The following IARS1 variants were observed in gnomAD, a reference collection of about 807,000 sequenced individuals.
IARS1 encodes isoleucine--tRNA ligase, cytoplasmic.
In IARS1, 124 loss-of-function variants were observed where a neutral mutation model predicts 168.2. The ratio of observed to expected loss-of-function variants is 0.74; its 90% CI spans 0.64 to 0.86. The LOEUF is 0.86. Among genes scored for constraint, IARS1 ranks in the 40% least tolerant of loss-of-function variants. The pLI is 0.00. For missense variants in IARS1, 1,452 were observed against 1,515.8 expected (o/e 0.96, Z 0.70); for synonymous variants, 532 against 529.4 (o/e 1.00, Z -0.07).
intron 18 of IARS1, 56 bp from the exon 19 acceptor site, chr9:92,259,054 T>C (rs1264422357): frequency 5.5e-6 from 8 of 1,446,970 alleles, no homozygotes; most frequent in African/African-American, 2.8e-5. Flanking sequence ...AACCAATTAT[T>C]ACTACTCGAC....
At chr9:92,284,144 T>A (rs779752838) in intron 6 of IARS1, among the ~76,000 whole-genome samples, 3 of 152,216 alleles carry the variant, frequency 2.0e-5, no homozygotes, top group Non-Finnish European at 4.4e-5. Context: ...GCCACTGCAC[T>A]CTAGCCTGGG....
In IARS1 at chr9:92,240,896, T is replaced by G. The variant is rs1828295018; in HGVS notation, c.3243A>C (p.Ala1081=). 1 of 1,613,494 alleles carries G rather than the reference T, an allele frequency of 6.2e-7. No individual in the cohort carries two copies. The highest frequency in any genetic ancestry group is 1.1e-5 in the South Asian group (1 of 91,068). ...TTGCACAAATGTTAAGATTGACATA[T>G]GCACAAGCAGGACCAGGAAGGGAAG... The part of the protein sequence containing the change: ...RGSSLPGPAC[A]YVNLNICANG... Residue 1081 remains alanine, a synonymous_variant, in exon 30 of 34, where the codon GCA becomes GCC. Coordinates refer to ENST00000443024, the MANE Select transcript of IARS1 (RefSeq NM_002161.6).
chr9:92,263,031 G>A lies in IARS1; in HGVS notation c.1725C>T (p.Ala575=), dbSNP rs753033723. Residue 575 remains alanine (A), a synonymous_variant, in exon 17 of 34, where the codon GCC becomes GCT. Coordinates refer to ENST00000443024, the MANE Select transcript of IARS1 (RefSeq NM_002161.6). ...RGWFYTLLVL[A]TALFGQPPFK... The stretch of plus-strand genomic sequence containing the variant: ...AAGGCGGTTGTCCAAAGAGGGCCGT[G>A]GCCAGCACCAGCAGGGTATAAAACC... 3 of 1,613,860 alleles carry A rather than the reference G, an allele frequency of 1.9e-6. No individual in the cohort carries two copies. Among genetic ancestry groups the A allele is most frequent in the East Asian group, 4.5e-5 (2 of 44,884 alleles).
At chr9:92,221,303 T>C (rs578096510) in intron 33 of IARS1, among the ~76,000 whole-genome samples, 1 of 152,090 alleles carries the variant, frequency 6.6e-6, no homozygotes, top group African/African-American at 2.4e-5. Flanking sequence ...AAGAGGTAAG[T>C]TGGACAAGAT....
intron 33 of IARS1, among the ~76,000 whole-genome samples, chr9:92,212,603 C>T (rs1432799015): frequency 6.6e-6 from 1 of 152,180 alleles, no homozygotes; most frequent in African/African-American, 2.4e-5. Flanking sequence ...AGCTCCACTG[C>T]ACAACAGTAC....
intron 25 of IARS1, among the ~76,000 whole-genome samples, chr9:92,248,279 G>T (rs930224381): frequency 1.7e-4 from 26 of 152,140 alleles, no homozygotes; most frequent in African/African-American, 6.3e-4. Context: ...GTAGCGGATG[G>T]GAAAATGAGA....
In IARS1 at chr9:92,250,781, C is replaced by G. The variant is rs1829906275; in HGVS notation, c.2361G>C (p.Leu787=). 1 of 1,613,700 alleles carries G rather than the reference C, an allele frequency of 6.2e-7. No homozygotes were observed. Among genetic ancestry groups the G allele is most frequent in the African/African-American group, 1.3e-5 (1 of 75,034 alleles). ...TGTCCTGAACAGAAACAGGGTCAATCAGCACCTTTAGATTCTGGTACATCA... is the reference window on the plus strand; with the variant it reads ...TGTCCTGAACAGAAACAGGGTCAATGAGCACCTTTAGATTCTGGTACATCA... ...TELMYQNLKV[L]IDPVSVQDKD... The change falls in exon 23 of 34, where the codon CTG becomes CTC. Residue 787 remains leucine, a synonymous_variant. Coordinates refer to ENST00000443024, the MANE Select transcript of IARS1 (RefSeq NM_002161.6).
chr9:92,262,955 C>G lies in IARS1; in HGVS notation c.1787+14G>C, dbSNP rs781483408. The G allele has an allele frequency of 6.2e-7, 1 of 1,605,344 alleles. No individual in the cohort carries two copies. On this transcript the variant is annotated intron_variant, in intron 17 of 33. Coordinates refer to ENST00000443024, the MANE Select transcript of IARS1 (RefSeq NM_002161.6). Reference sequence around the variant, plus strand: ...GACAAAGTTCCACCCGTCACTACAACAAAGTTGACCTACCTTGCCAGGACA... The same window carrying G: ...GACAAAGTTCCACCCGTCACTACAAGAAAGTTGACCTACCTTGCCAGGACA...
At chr9:92,266,220 T>TAA (rs1289978876) in intron 14 of IARS1, among the ~76,000 whole-genome samples, 1 of 152,208 alleles carries the variant, frequency 6.6e-6, no homozygotes, top group Admixed American at 6.5e-5. Context: ...TGAAACATCT[T>TAA]AGATTATTTC....
intron 30 of IARS1, among the ~76,000 whole-genome samples, chr9:92,235,846 A>G (rs1000173776): frequency 1.1e-4 from 16 of 151,844 alleles, no homozygotes; most frequent in African/African-American, 3.6e-4. Context: ...TTAAATATTG[A>G]ATCAGCCTTG....
intron 20 of IARS1, chr9:92,253,777 C>T (rs1830343036): frequency 4.0e-6 from 2 of 502,044 alleles, no homozygotes; most frequent in Admixed American, 2.3e-5. Context: ...GTAGGAAGTG[C>T]CATTTACACG....
chr9:92,293,557 C>T (rs1836748737), intron 1 of IARS1, 54 bp downstream of exon 1: 3 of 478,492 alleles, frequency 6.3e-6, no homozygotes, highest in African/African-American at 6.0e-5. Flanking sequence ...GGTTGTAACG[C>T]GTGCGTGACC....
At chr9:92,252,991 T>C (rs565218688) in intron 21 of IARS1, among the ~76,000 whole-genome samples, 1 of 152,108 alleles carries the variant, frequency 6.6e-6, no homozygotes, top group Non-Finnish European at 1.5e-5. Context: ...TCCCTTGTGG[T>C]AGAAGGAAGT....
intron 10 of IARS1, among the ~76,000 whole-genome samples, chr9:92,272,354 GAA>G (rs1833164897): frequency 6.6e-6 from 1 of 152,180 alleles, no homozygotes; most frequent in Non-Finnish European, 1.5e-5. Flanking sequence ...GGGTAGACAG[GAA>G]AAGCCCCTAA....
chr9:92,256,708 G>A lies in IARS1; in HGVS notation c.2109C>T (p.Leu703=), dbSNP rs549039229. 3.1e-6 allele frequency: 5 copies of A among 1,613,864 alleles called. No homozygotes were observed. The South Asian group carries it at 3.3e-5, about 11-fold the overall frequency. Residue 703 remains leucine, a synonymous_variant, in exon 20 of 34, where the codon CTC becomes CTT. Transcript: ENST00000443024. ...CCATTTCAGTCTCAAAGAAGCCAAT[G>A]AGAGACTGCATGAAGGACAGGATCC... is the stretch of plus-strand genomic sequence containing the variant. The part of the protein sequence containing the change: ...DRWILSFMQS[L]IGFFETEMAA...
chr9:92,261,266 G>A (rs951217869), intron 17 of IARS1, among the ~76,000 whole-genome samples: 2 of 151,850 alleles, frequency 1.3e-5, no homozygotes, highest in African/African-American at 2.4e-5. Flanking sequence ...CCGAGATCAC[G>A]CCACTACACT....
At chr9:92,230,177 T>C (rs1826445437) in intron 30 of IARS1, among the ~76,000 whole-genome samples, 2 of 152,120 alleles carry the variant, frequency 1.3e-5, no homozygotes, top group South Asian at 4.1e-4. Context: ...GTAGTGCGAT[T>C]TCGGCTCACC....
intron 33 of IARS1, among the ~76,000 whole-genome samples, chr9:92,216,436 T>C (rs1465851827): frequency 7.0e-6 from 1 of 143,484 alleles, no homozygotes; most frequent in African/African-American, 2.6e-5. Flanking sequence ...TAACTTTAAA[T>C]GTAAATGGAC....
In IARS1 at chr9:92,247,414, C is replaced by A. The variant is rs1829371001; in HGVS notation, c.2754G>T (p.Gln918His). The A allele has an allele frequency of 3.1e-6, 5 of 1,614,078 alleles. No homozygotes were observed. In the South Asian group the frequency reaches 5.5e-5, roughly 18 times the overall value. Residue 918 changes from glutamine to histidine, a missense_variant, in exon 26 of 34, where the codon CAG (glutamine) becomes CAT (histidine). Coordinates refer to ENST00000443024, the MANE Select transcript of IARS1 (RefSeq NM_002161.6). ...AFKAVMTSIK[Q>H]LSSEELEQFQ... ...ACTGCTCCAGCTCCTCACTGCTCAA[C>A]TGCTTGATGGACGTCATCACTGCCT...
Sources: allele counts gnomAD v4.1 joint callset (sites outside exome capture counted in the v4.1 genomes callset), GRCh38; gene constraint gnomAD v4.1.1; transcripts MANE v1.5; gene names NCBI Gene and HGNC (gene_info 2026-07-23, HGNC 2026-07-21).